The following RNF157 variants were observed in gnomAD, a reference collection of about 807,000 sequenced individuals.
The protein encoded by RNF157 is E3 ubiquitin ligase RNF157.
Under a neutral mutation model 88.3 loss-of-function variants are expected in RNF157, and 55 were observed. That is an observed-to-expected ratio of 0.62 (90% CI 0.50 to 0.78). The LOEUF is 0.78. RNF157 is among the 30% of genes least tolerant of loss of function. The pLI is 0.00. For missense variants in RNF157, 788 were observed against 860.8 expected (o/e 0.92, Z 1.06); for synonymous variants, 334 against 341.2 (o/e 0.98, Z 0.23).
Position 76,212,454 on chromosome 17 carries a change from C to T in RNF157, c.117G>A (p.Met39Ile), listed in dbSNP as rs1568067864. 6.2e-7 allele frequency: 1 copy of T among 1,613,496 alleles called. No homozygotes were observed. The highest frequency in any genetic ancestry group is 1.3e-5 in the African/African-American group (1 of 74,928). ...GAGTTGAGTCAAACTTCTCTCCTCC[C>T]ATAATGAAGTGGCTGGCAAAATAGC... ...SGSYFASHFI[M>I]GGEKFDSTHP... The change falls in exon 2 of 19, where the codon ATG becomes ATA. Residue 39 changes from methionine (M) to isoleucine (I), a missense_variant. Met to Ile is a conservative substitution (Grantham distance 10). Coordinates refer to ENST00000269391, the MANE Select transcript of RNF157 (RefSeq NM_052916.3).
chr17:76,147,921 T>C (rs560517038), intron 18 of RNF157, among the ~76,000 whole-genome samples: 1 of 152,322 alleles, frequency 6.6e-6, no homozygotes, highest in South Asian at 2.1e-4. Context: ...AAGAGACCTC[T>C]AGAGGTAGAT....
chr17:76,165,349 G>A (rs1045158082), intron 7 of RNF157, among the ~76,000 whole-genome samples, 153 bp downstream of exon 7: 8 of 149,416 alleles, frequency 5.4e-5, no homozygotes, highest in Non-Finnish European at 1.2e-4. Context: ...GTGCGGTGGT[G>A]CCATCTCAGC....
chr17:76,203,193 G>T (rs1470791423), intron 2 of RNF157, among the ~76,000 whole-genome samples: 4 of 152,204 alleles, frequency 2.6e-5, no homozygotes, highest in Admixed American at 2.6e-4. Context: ...GTTTCGCCAT[G>T]TTGGCCAGGC....
chr17:76,147,765 G>A (rs1198516576), intron 18 of RNF157, among the ~76,000 whole-genome samples: 2 of 152,214 alleles, frequency 1.3e-5, no homozygotes, highest in African/African-American at 4.8e-5. Context: ...GGGCCTTCCA[G>A]AGCAGGTGCC....
chr17:76,166,444 A>G lies in RNF157; in HGVS notation c.628+17T>C. 6.2e-7 allele frequency: 1 copy of G among 1,609,636 alleles called. No homozygotes were observed. On this transcript the variant is annotated intron_variant, in intron 6 of 18. Coordinates refer to ENST00000269391, the MANE Select transcript of RNF157 (RefSeq NM_052916.3). Reference sequence around the variant, plus strand: ...AGAGCAGTGTGCACAGCCAAAGAGGACAGAAATCGCCCCTACCGTCTCCTT... The same window carrying G: ...AGAGCAGTGTGCACAGCCAAAGAGGGCAGAAATCGCCCCTACCGTCTCCTT...
intron 2 of RNF157, among the ~76,000 whole-genome samples, chr17:76,194,858 AC>A (rs1352555170): frequency 1.3e-5 from 2 of 152,156 alleles, no homozygotes; most frequent in Non-Finnish European, 1.5e-5. Context: ...TACTAAAAAT[AC>A]AAAAAATTAG....
At chr17:76,147,220 A>C in intron 18 of RNF157, 1 of 984,902 alleles carries the variant, frequency 1.0e-6, no homozygotes, top group East Asian at 1.1e-4. Context: ...GAAGAACCCA[A>C]AATAAAATGA....
At chr17:76,178,956 A>G (rs893790934) in intron 2 of RNF157, among the ~76,000 whole-genome samples, 3 of 152,198 alleles carry the variant, frequency 2.0e-5, no homozygotes, top group African/African-American at 7.2e-5. Flanking sequence ...CCAAGGATTA[A>G]AGTGCTGGTT....
Position 76,227,931 on chromosome 17 carries a change from A to T in RNF157, c.88+12222T>A, listed in dbSNP as rs985462956. 2.6e-5 allele frequency among the ~76,000 whole-genome samples: 4 copies of T among 152,254 alleles called. No individual in the cohort carries two copies. The Middle Eastern group carries it at 0.01, about 388-fold the overall frequency. On this transcript the variant is annotated intron_variant, in intron 1 of 18. Transcript: ENST00000269391. ...CAGGTCCCCAAATCTAGCTATATTTATTCCAGAACCTGTGCTCTTAACCAT... is the reference window on the plus strand; with the variant it reads ...CAGGTCCCCAAATCTAGCTATATTTTTTCCAGAACCTGTGCTCTTAACCAT...
intron 3 of RNF157, among the ~76,000 whole-genome samples, chr17:76,169,322 A>C (rs1033664094): frequency 1.3e-5 from 2 of 152,134 alleles, no homozygotes; most frequent in African/African-American, 4.8e-5. Context: ...TTTCATAAAC[A>C]CTTTGTGTCA....
At chr17:76,150,316 C>A (rs2144795847) in intron 18 of RNF157, among the ~76,000 whole-genome samples, 1 of 152,274 alleles carries the variant, frequency 6.6e-6, no homozygotes, top group East Asian at 1.9e-4. Flanking sequence ...CTCTAAATAG[C>A]TGGCTCCACA....
chr17:76,162,151 C>T (rs759649018), intron 9 of RNF157, 149 bp from the exon 10 acceptor site: 7 of 746,026 alleles, frequency 9.4e-6, no homozygotes, highest in African/African-American at 1.8e-5. Flanking sequence ...TTTCCCAGTG[C>T]GTCCACACAC....
Position 76,226,374 on chromosome 17 carries a change from G to C in RNF157, c.88+13779C>G, listed in dbSNP as rs1454002827. The C allele has an allele frequency of 3.1e-6, 5 of 1,594,088 alleles. No homozygotes were observed. In the East Asian group the frequency reaches 6.7e-5, roughly 21 times the overall value. On this transcript the variant is annotated intron_variant, in intron 1 of 18. Transcript: ENST00000269391. ...TGGTCGGGTTTTGTTAAACTTTCTGGGAGATGGCCAATTGGGTTCACCATC... is the reference window on the plus strand; with the variant it reads ...TGGTCGGGTTTTGTTAAACTTTCTGCGAGATGGCCAATTGGGTTCACCATC...
chr17:76,175,766 A>C, intron 2 of RNF157: 1 of 985,226 alleles, frequency 1.0e-6, no homozygotes, highest in Non-Finnish European at 1.2e-6. Flanking sequence ...CAAAAAAAAG[A>C]TGCGTCTTTT....
intron 2 of RNF157, among the ~76,000 whole-genome samples, chr17:76,191,600 C>CAAAAAAA (rs71363619): frequency 1.5e-5 from 1 of 65,256 alleles, no homozygotes. Flanking sequence ...GACTCCGCCT[C>CAAAAAAA]AAAAAAAAAA....
chr17:76,165,676 A>T, intron 6 of RNF157, 131 bp from the exon 7 acceptor site: 2 of 882,290 alleles, frequency 2.3e-6, no homozygotes, highest in Non-Finnish European at 1.8e-6. Flanking sequence ...ACGTTATATA[A>T]CCCATACTTT....
chr17:76,172,457 G>A (rs2069029606), intron 3 of RNF157, among the ~76,000 whole-genome samples: 1 of 151,858 alleles, frequency 6.6e-6, no homozygotes, highest in African/African-American at 2.4e-5. Flanking sequence ...CGGGCGTGGT[G>A]ATGCATGCCT....
rs772216956 is a variant in RNF157, at chr17:76,176,721, G to A, written c.208-2931C>T. ...AGGAGCAGCGTGGCAGAAGAGCAGC[G>A]CGGTAGGGCAAAGAGGAGCCCCGAG... On this transcript the variant is annotated intron_variant, in intron 2 of 18. Coordinates refer to ENST00000269391, the MANE Select transcript of RNF157 (RefSeq NM_052916.3). This position sits in a 1 kb window ranked among gnomAD's most constrained non-coding sequence, Gnocchi z 4.2. Among the ~76,000 whole-genome samples the A allele has an allele frequency of 3.3e-5, 5 of 152,194 alleles. No homozygotes were observed. Among genetic ancestry groups the A allele is most frequent in the Non-Finnish European group, 4.4e-5 (3 of 68,034 alleles).
Position 76,166,470 on chromosome 17 carries a change from C to T in RNF157, c.619G>A (p.Glu207Lys). 1 of 1,613,944 alleles carries T rather than the reference C, an allele frequency of 6.2e-7. No homozygotes were observed. Among genetic ancestry groups the T allele is most frequent in the Non-Finnish European group, 8.5e-7 (1 of 1,179,844 alleles). The part of the protein sequence containing the change: ...YPLVVHAVVD[E>K]GDEYFGHCHV... ...CAGAAATCGCCCCTACCGTCTCCTT[C>T]ATCCACCACGGCATGTACCACTAGA... is the stretch of plus-strand genomic sequence containing the variant. The change falls in exon 6 of 19, where the codon GAA becomes AAA. Residue 207 changes from glutamate (E) to lysine (K), a missense_variant. Physicochemically the swap from Glu to Lys is moderately conservative, Grantham distance 56. Transcript: ENST00000269391.
Sources: gnomAD v4.1 joint callset for allele counts (sites outside exome capture counted in the v4.1 genomes callset) on GRCh38, gnomAD v4.1.1 for gene constraint, Gnocchi (gnomAD v3.1) non-coding constraint, MANE v1.5 for transcripts, NCBI Gene and HGNC (gene_info 2026-07-23, HGNC 2026-07-21) for gene names.